Variants in EIF2AK2 observed in about 807,000 individuals in gnomAD.
EIF2AK2 encodes eukaryotic translation initiation factor 2 alpha kinase 2, also known as interferon-induced, double-stranded RNA-activated protein kinase.
EIF2AK2 carries 40 observed loss-of-function variants against 70.5 expected under a neutral mutation model. The observed-to-expected ratio is 0.57, with a 90% CI of 0.44 to 0.74. The LOEUF (loss-of-function observed/expected upper bound fraction) is 0.74. Ranked by LOEUF, EIF2AK2 falls within the 30% of genes least tolerant of loss-of-function variation. EIF2AK2 has a pLI of 0.00. For synonymous variants in EIF2AK2, 198 were observed against 220.9 expected, an observed-to-expected ratio of 0.90 and a Z score of 0.92; for missense variants, 555 against 644.3, an observed-to-expected ratio of 0.86 and a Z score of 1.50.
Position 37,139,659 on chromosome 2 carries a change from A to G in EIF2AK2, c.488T>C (p.Leu163Pro). Residue 163 changes from leucine (L) to proline (P), a missense_variant, in exon 6 of 17, where the codon CTT becomes CCT. Physicochemically the swap from Leu to Pro is moderately conservative, Grantham distance 98. Around this residue, in one of 3 missense-constraint regions of EIF2AK2, gnomAD observed 208 missense variants for 191.8 expected, o/e 1.08. Coordinates refer to ENST00000233057, the MANE Select transcript of EIF2AK2 (RefSeq NM_001135651.3). The stretch of plus-strand genomic sequence containing the variant: ...TGAGGTTTCTTCTGATAATATCTGA[A>G]GATATGCAAGTTTAGCGGCCAATTG... Reference protein sequence around the residue: ...AKQLAAKLAYLQILSEETSVK... With the variant: ...AKQLAAKLAYPQILSEETSVK... 3 of 1,614,092 alleles carry G rather than the reference A, an allele frequency of 1.9e-6. No individual in the cohort carries two copies. The highest frequency in any genetic ancestry group is 2.5e-6 in the Non-Finnish European group (3 of 1,180,012).
At chr2:37,149,624 AAAGGAAACTGGT>A (rs1290641647) in intron 1 of EIF2AK2, among the ~76,000 whole-genome samples, 2 of 152,140 alleles carry the variant, frequency 1.3e-5, no homozygotes, top group Non-Finnish European at 1.5e-5. Flanking sequence ...ACCAGGAAGG[AAAGGAAACTGGT>A]AAGGAAACTG....
chr2:37,139,812 ACTTAGGATTC>A, intron 5 of EIF2AK2, 55 bp from the exon 6 acceptor site: 2 of 1,542,978 alleles, frequency 1.3e-6, no homozygotes, highest in African/African-American at 1.4e-5. Flanking sequence ...AGCAAATCCA[ACTTAGGATTC>A]AAAAAAAATA....
chr2:37,122,753 C>T, intron 11 of EIF2AK2, 89 bp from the exon 12 acceptor site: 1 of 1,504,522 alleles, frequency 6.6e-7, no homozygotes, highest in South Asian at 1.2e-5. Context: ...CAACTGTCTA[C>T]ATTCCCTTAT....
chr2:37,113,777 G>C (rs1453103385), intron 14 of EIF2AK2, among the ~76,000 whole-genome samples: 2 of 152,174 alleles, frequency 1.3e-5, no homozygotes, highest in African/African-American at 2.4e-5. Flanking sequence ...AAAATAGCAA[G>C]ATACTCCTAA....
chr2:37,145,991 T>A (rs1368510947), intron 4 of EIF2AK2, among the ~76,000 whole-genome samples: 1 of 152,002 alleles, frequency 6.6e-6, no homozygotes, highest in Non-Finnish European at 1.5e-5. Flanking sequence ...TGACCTCAGG[T>A]GATCCACCCG....
chr2:37,107,668 T>C lies in EIF2AK2; in HGVS notation c.1480-141A>G, dbSNP rs569563116. 20 of 837,410 alleles carry C rather than the reference T, an allele frequency of 2.4e-5. No individual in the cohort carries two copies. The African/African-American group carries it at 3.3e-4, about 14-fold the overall frequency. The allele number at this position is 837,410 out of a possible 1,614,324, so 51.9% of individuals were successfully genotyped here. A position where few individuals can be genotyped will look rare whatever the true frequency, so the allele number is the denominator to read the frequency against. On this transcript the variant is annotated intron_variant, in intron 15 of 16. Transcript: ENST00000233057. ...CTCTTTAGCCAAGAAGCAAGCAGGATTCCCTCTCTCCTACACTACCCCCAA... is the reference window on the plus strand; with the variant it reads ...CTCTTTAGCCAAGAAGCAAGCAGGACTCCCTCTCTCCTACACTACCCCCAA...
rs920863059 is a variant in EIF2AK2 at position 37,102,076 on chromosome 2, C to T, written c.*5197G>A. 1.3e-5 allele frequency: 2 copies of T among 152,042 alleles called. No homozygotes were observed. Among genetic ancestry groups the T allele is most frequent in the Admixed American group, 6.6e-5 (1 of 15,248 alleles). The allele number at this position is 152,042 out of a possible 1,614,324, so 9.4% of individuals were successfully genotyped here. A position where few individuals can be genotyped will look rare whatever the true frequency, so the allele number is the denominator to read the frequency against. The stretch of plus-strand genomic sequence containing the variant: ...GAAACACAGCAAGACCATATTTCTA[C>T]AAAAAATTTAAAAATTAGTTGGGTG... On this transcript the variant is annotated 3_prime_UTR_variant, in exon 17 of 17. Coordinates refer to ENST00000233057, the MANE Select transcript of EIF2AK2 (RefSeq NM_001135651.3).
At chr2:37,120,992 G>C (rs1171616870) in intron 12 of EIF2AK2, among the ~76,000 whole-genome samples, 3 of 148,756 alleles carry the variant, frequency 2.0e-5, no homozygotes, top group African/African-American at 7.3e-5. Context: ...GGCCGGGCGC[G>C]GTGGCTCACG....
rs532884925 is a variant in EIF2AK2, at chr2:37,114,313, G to C, written c.1377+418C>G. ...AGACCCTGTCTCTAAAACAAAATAA[G>C]AACAACAACAAAAAATATTAAATTT... On this transcript the variant is annotated intron_variant, in intron 14 of 16. Transcript: ENST00000233057. Among the ~76,000 whole-genome samples the C allele has an allele frequency of 2.0e-5, 3 of 150,998 alleles. No individual in the cohort carries two copies. In the South Asian group the frequency reaches 6.3e-4, roughly 32 times the overall value.
At chr2:37,114,392 TA>T (rs1674263025) in intron 14 of EIF2AK2, among the ~76,000 whole-genome samples, 1 of 152,060 alleles carries the variant, frequency 6.6e-6, no homozygotes. Context: ...ATACAGTTGT[TA>T]AAAAAAGAAT....
rs1024448949 is a variant in EIF2AK2 at position 37,101,482 on chromosome 2, C to A, written c.*5791G>T. ...GTTGGTACCACCAGAACTCATTGAT[C>A]AATATTAAAATCACTGAAAGTGGAA... On this transcript the variant is annotated 3_prime_UTR_variant, in exon 17 of 17. Transcript: ENST00000233057. 6.6e-6 allele frequency: 1 copy of A among 152,120 alleles called. No individual in the cohort carries two copies. Among genetic ancestry groups the A allele is most frequent in the Non-Finnish European group, 1.5e-5 (1 of 68,026 alleles). 9.4% of individuals were successfully genotyped at this position (152,120 alleles called of 1,614,324 possible).
chr2:37,138,827 G>C (rs1053837417), intron 6 of EIF2AK2, among the ~76,000 whole-genome samples: 4 of 151,984 alleles, frequency 2.6e-5, no homozygotes, highest in African/African-American at 4.8e-5. Context: ...ACAGGATCTG[G>C]CTCTGTTGTC....
Position 37,138,530 on chromosome 2 carries a change from T to A in EIF2AK2, c.572A>T (p.Asn191Ile), listed in dbSNP as rs1675208303. 12 of 1,614,054 alleles carry A rather than the reference T, an allele frequency of 7.4e-6. No homozygotes were observed. The highest frequency in any genetic ancestry group is 1.0e-5 in the Non-Finnish European group (12 of 1,180,004). ...SFATTCESQS[N>I]SLVTSTLASE... The stretch of plus-strand genomic sequence containing the variant: ...TTACAGTGTGCTGGTCACTAAAGAG[T>A]TGCTTTGGGACTCACACGTAGTAGC... Residue 191 changes from asparagine to isoleucine, a missense_variant, in exon 7 of 17, where the codon AAC becomes ATC. By Grantham distance (149) the Asn-to-Ile change is moderately radical. Coordinates refer to ENST00000233057, the MANE Select transcript of EIF2AK2 (RefSeq NM_001135651.3).
At chr2:37,139,511 T>C (rs1348811834) in intron 6 of EIF2AK2, 120 bp downstream of exon 6, 14 of 1,384,148 alleles carry the variant, frequency 1.0e-5, no homozygotes, top group African/African-American at 1.4e-5. Context: ...CGACACAGAA[T>C]GGAGGAATCA....
At chr2:37,135,604 T>C (rs1360042831) in intron 9 of EIF2AK2, 58 bp from the exon 10 acceptor site, 1 of 1,466,642 alleles carries the variant, frequency 6.8e-7, no homozygotes, top group Non-Finnish European at 9.4e-7. Flanking sequence ...ATATAACTTA[T>C]TTAGTGTTAA....
intron 4 of EIF2AK2, among the ~76,000 whole-genome samples, chr2:37,143,239 A>G (rs1267141352): frequency 6.6e-6 from 1 of 151,700 alleles, no homozygotes. Flanking sequence ...AAAAAAAAAA[A>G]AGAATCAATG....
intron 14 of EIF2AK2, among the ~76,000 whole-genome samples, chr2:37,112,013 C>T (rs1183265583): frequency 1.3e-5 from 2 of 148,956 alleles, no homozygotes; most frequent in African/African-American, 5.0e-5. Context: ...GCCCCCAATG[C>T]TGCACTGGCC....
intron 14 of EIF2AK2, among the ~76,000 whole-genome samples, chr2:37,113,690 A>G (rs569354612): frequency 6.6e-6 from 1 of 152,252 alleles, no homozygotes; most frequent in African/African-American, 2.4e-5. Context: ...GGATATGAGT[A>G]GAGAATTTGC....
intron 10 of EIF2AK2, among the ~76,000 whole-genome samples, chr2:37,128,598 G>A (rs975799296): frequency 3.9e-5 from 6 of 152,112 alleles, no homozygotes; most frequent in African/African-American, 1.4e-4. Context: ...GCCTTATAAT[G>A]GGCCCTCAAG....
Sources: allele counts gnomAD v4.1 joint callset (sites outside exome capture counted in the v4.1 genomes callset), GRCh38; gene constraint gnomAD v4.1.1; regional missense constraint gnomAD v4.1.1; transcripts MANE v1.5; gene names NCBI Gene and HGNC (gene_info 2026-07-23, HGNC 2026-07-21).